MAP3K2: variants seen among roughly 807,000 people sequenced by gnomAD.
MAP3K2 encodes the protein mitogen-activated protein kinase kinase kinase 2, also known as MAP/ERK kinase kinase 2.
A neutral mutation model predicts 80.3 loss-of-function variants in MAP3K2; 24 were observed. The observed-to-expected ratio is 0.30, with a 90% CI of 0.22 to 0.42. The LOEUF (loss-of-function observed/expected upper bound fraction) is 0.42, where lower values mean the gene tolerates loss of function less well. Among genes scored for constraint, MAP3K2 ranks in the 10% least tolerant of loss-of-function variants. MAP3K2 has a pLI of 1.00. For synonymous variants in MAP3K2, 244 were observed against 253.7 expected (o/e 0.96, Z 0.36); for missense variants, 608 against 750.1 (o/e 0.81, Z 2.21).
chr2:127,379,179 C>T (rs1267333114), intron 1 of MAP3K2, among the ~76,000 whole-genome samples: 2 of 151,854 alleles, frequency 1.3e-5, no homozygotes, highest in Non-Finnish European at 2.9e-5. Context: ...TTGTATTCCC[C>T]TTATATTAAT....
chr2:127,374,265 C>T lies in MAP3K2; in HGVS notation c.-66+13187G>A, dbSNP rs189498795. Among the ~76,000 whole-genome samples, 354 of 152,296 alleles carry T rather than the reference C, an allele frequency of 2.3e-3. 1 individual carries two copies. The highest frequency in any genetic ancestry group is 7.7e-3 in the African/African-American group (321 of 41,558). On this transcript the variant is annotated intron_variant, in intron 1 of 16. Transcript: ENST00000682094. ...CCTTCATTAAGACCACTCTGGAGCC[C>T]ACCCTGTGTGCACTTTTTCTCCGAC...
At position 127,364,749 on chromosome 2, in the gene MAP3K2, TC is replaced by T. The variant is rs946058466; in HGVS notation, c.-65-21556del. Among the ~76,000 whole-genome samples, 3 of 152,178 alleles carry T rather than the reference TC, an allele frequency of 2.0e-5. No individual in the cohort carries two copies. Among genetic ancestry groups the T allele is most frequent in the Non-Finnish European group, 4.4e-5 (3 of 68,032 alleles). ...ACTTTATTCTGCACTCATCTTCTTTTCCCTCCACCTTTCCCCTCATCTTTAA... is the reference window on the plus strand; with the variant it reads ...ACTTTATTCTGCACTCATCTTCTTTTCCTCCACCTTTCCCCTCATCTTTAA... On this transcript the variant is annotated intron_variant, in intron 1 of 16. Coordinates refer to ENST00000682094, the MANE Select transcript of MAP3K2 (RefSeq NM_001371910.2). This position sits in a 1 kb window ranked among gnomAD's most constrained non-coding sequence, Gnocchi z 4.1.
chr2:127,372,495 T>C (rs932111428), intron 1 of MAP3K2, among the ~76,000 whole-genome samples: 2 of 152,086 alleles, frequency 1.3e-5, no homozygotes, highest in African/African-American at 4.8e-5. Flanking sequence ...TGTCCTTGGG[T>C]CACTCAGAAA....
chr2:127,387,135 C>G (rs114629483), intron 1 of MAP3K2, among the ~76,000 whole-genome samples: 2,163 of 152,304 alleles, frequency 0.014, 47 homozygotes, highest in African/African-American at 0.049. Flanking sequence ...TTTTCGCTTA[C>G]TGCATGTACC....
chr2:127,337,666 C>T (rs1558980862), intron 4 of MAP3K2, 72 bp downstream of exon 4: 5 of 895,368 alleles, frequency 5.6e-6, no homozygotes, highest in Admixed American at 5.4e-5. Context: ...CTGAAAAGAA[C>T]CTTTCAAAAG....
intron 1 of MAP3K2, among the ~76,000 whole-genome samples, chr2:127,347,253 G>T (rs1686613737): frequency 6.6e-6 from 1 of 151,994 alleles, no homozygotes; most frequent in Admixed American, 6.6e-5. Context: ...GACGAGGCAA[G>T]AAAATGAAAT....
intron 1 of MAP3K2, among the ~76,000 whole-genome samples, chr2:127,374,832 G>C (rs1438036063): frequency 6.6e-6 from 1 of 152,010 alleles, no homozygotes; most frequent in Non-Finnish European, 1.5e-5. Flanking sequence ...GTCACACATG[G>C]AACATCCAAC....
chr2:127,388,160 C>A (rs932877282), upstream of MAP3K2: 19 of 985,030 alleles, frequency 1.9e-5, no homozygotes, highest in African/African-American at 3.1e-4. Context: ...CGGGGATTCC[C>A]AGTCCTGGCT....
intron 1 of MAP3K2, among the ~76,000 whole-genome samples, chr2:127,384,161 C>G (rs985776144): frequency 6.6e-6 from 1 of 151,050 alleles, no homozygotes; most frequent in Non-Finnish European, 1.5e-5. Flanking sequence ...TCCCAAAGTG[C>G]TGGGATTACA....
Position 127,323,847 on chromosome 2 carries a change from T to A in MAP3K2, c.838+55A>T, listed in dbSNP as rs908385956. The stretch of plus-strand genomic sequence containing the variant: ...AGGTTTTAAAAAATTTTTGTATTTA[T>A]TTTTGTTGTTGAGATTTTTTAACTA... On this transcript the variant is annotated intron_variant, in intron 11 of 16. Transcript: ENST00000682094. 7.1e-5 allele frequency: 60 copies of A among 839,704 alleles called. No homozygotes were observed. The African/African-American group carries it at 9.3e-4, about 13-fold the overall frequency. The allele number at this position is 839,704 out of a possible 1,614,324, so 52.0% of individuals were successfully genotyped here.
chr2:127,382,832 G>A (rs780435451), intron 1 of MAP3K2, among the ~76,000 whole-genome samples: 5 of 152,198 alleles, frequency 3.3e-5, no homozygotes, highest in Non-Finnish European at 5.9e-5. Flanking sequence ...AGCAGATGTC[G>A]GTATATTGAT....
At chr2:127,314,953 TATCAG>T in intron 14 of MAP3K2, 70 bp from the exon 15 acceptor site, 1 of 1,152,914 alleles carries the variant, frequency 8.7e-7, no homozygotes, top group Admixed American at 2.4e-5. Flanking sequence ...ATTAAATCTT[TATCAG>T]TAAAGAGGGC....
chr2:127,366,746 T>C (rs1686978173), intron 1 of MAP3K2, among the ~76,000 whole-genome samples: 1 of 152,232 alleles, frequency 6.6e-6, no homozygotes, highest in African/African-American at 2.4e-5. Context: ...TTTCCAAAAA[T>C]GTATTTTATT....
Position 127,299,824 on chromosome 2 carries a change from A to C in MAP3K2, c.*7755T>G, listed in dbSNP as rs954158782. 5 of 152,122 alleles carry C rather than the reference A, an allele frequency of 3.3e-5. No individual in the cohort carries two copies. Among genetic ancestry groups the C allele is most frequent in the African/African-American group, 1.2e-4 (5 of 41,454 alleles). The allele number at this position is 152,122 out of a possible 1,614,324, so 9.4% of individuals were successfully genotyped here. ...TCATATAGTAAATAATCTCTCAGAA[A>C]GCTTTTATATATATTTAATTATCAC... On this transcript the variant is annotated 3_prime_UTR_variant, in exon 17 of 17. Coordinates refer to ENST00000682094, the MANE Select transcript of MAP3K2 (RefSeq NM_001371910.2).
At chr2:127,388,002 G>A (rs953923088), upstream of MAP3K2, 1 of 983,590 alleles carries the variant, frequency 1.0e-6, no homozygotes, top group Non-Finnish European at 1.2e-6. Context: ...CGCACGTCAC[G>A]GCCGCTCGCT....
intron 1 of MAP3K2, among the ~76,000 whole-genome samples, chr2:127,371,854 A>G (rs895089561): frequency 6.6e-6 from 1 of 152,188 alleles, no homozygotes; most frequent in African/African-American, 2.4e-5. Context: ...GGGCAAATCA[A>G]TGCAAGTCCA....
At chr2:127,337,822 C>G (rs1202435024) in intron 3 of MAP3K2, 44 bp from the exon 4 acceptor site, 1 of 1,128,858 alleles carries the variant, frequency 8.9e-7, no homozygotes, top group Non-Finnish European at 1.3e-6. Context: ...TTAGACAGAT[C>G]ATTCAGAGAT....
At chr2:127,350,595 A>G (rs1686676446) in intron 1 of MAP3K2, among the ~76,000 whole-genome samples, 2 of 152,086 alleles carry the variant, frequency 1.3e-5, no homozygotes, top group South Asian at 2.1e-4. Flanking sequence ...TAGAAAGACC[A>G]CCATTCAGCA....
In MAP3K2 at chr2:127,364,902, C is replaced by G. The variant is rs187310758; in HGVS notation, c.-65-21708G>C. On this transcript the variant is annotated intron_variant, in intron 1 of 16. Coordinates refer to ENST00000682094, the MANE Select transcript of MAP3K2 (RefSeq NM_001371910.2). The surrounding 1 kb of genome is among the most constrained non-coding windows in gnomAD (Gnocchi z 4.1). ...TAGCACTGTGGAAGGCCAAGGCAGG[C>G]AGATCACCTGAGGTCAGGAGTTTGA... Among the ~76,000 whole-genome samples, 356 of 152,070 alleles carry G rather than the reference C, an allele frequency of 2.3e-3. 2 individuals carry two copies. Among genetic ancestry groups the G allele is most frequent in the African/African-American group, 7.8e-3 (323 of 41,514 alleles).
Sources: allele counts gnomAD v4.1 joint callset (sites outside exome capture counted in the v4.1 genomes callset), GRCh38; gene constraint gnomAD v4.1.1; non-coding constraint Gnocchi (gnomAD v3.1); transcripts MANE v1.5; gene names NCBI Gene and HGNC (gene_info 2026-07-23, HGNC 2026-07-21).